Variants in EFCAB8 observed in about 807,000 individuals in gnomAD.
EFCAB8 encodes EF-hand calcium binding domain 8.
A neutral mutation model predicts 116.3 loss-of-function variants in EFCAB8; 100 were observed. That is an observed-to-expected ratio of 0.86 (90% CI 0.73 to 1.02). EFCAB8 has a LOEUF of 1.02. EFCAB8 is among the 50% of genes least tolerant of loss of function. The pLI is 0.00. For synonymous variants in EFCAB8, 558 were observed against 567.9 expected (o/e 0.98, Z 0.25); for missense variants, 1,320 against 1,416.9 (o/e 0.93, Z 1.10).
chr20:32,921,275 C>T (rs1987437706), intron 20 of EFCAB8, among the ~76,000 whole-genome samples: 1 of 151,968 alleles, frequency 6.6e-6, no homozygotes, highest in Non-Finnish European at 1.5e-5. Flanking sequence ...CTCATTACAG[C>T]CTCAACTCCT....
At chr20:32,882,443 A>G (rs1047468028) in intron 5 of EFCAB8, among the ~76,000 whole-genome samples, 4 of 152,226 alleles carry the variant, frequency 2.6e-5, no homozygotes, top group African/African-American at 9.6e-5. Flanking sequence ...AGAGGCTCAT[A>G]GCCTGTGAGT....
At chr20:32,941,938 T>C (rs1039125602) in intron 22 of EFCAB8, among the ~76,000 whole-genome samples, 1 of 152,234 alleles carries the variant, frequency 6.6e-6, no homozygotes, top group African/African-American at 2.4e-5. Context: ...TTTTTGTTGT[T>C]GTTTATAGTT....
intron 20 of EFCAB8, among the ~76,000 whole-genome samples, chr20:32,920,478 A>C (rs1236421337): frequency 6.6e-6 from 1 of 152,152 alleles, no homozygotes; most frequent in African/African-American, 2.4e-5. Context: ...GTTTAACTGG[A>C]CTTATAGTTC....
intron 20 of EFCAB8, among the ~76,000 whole-genome samples, chr20:32,923,149 A>G (rs1987529244): frequency 6.6e-6 from 1 of 152,140 alleles, no homozygotes; most frequent in Admixed American, 6.6e-5. Context: ...GTGCCACTGC[A>G]CTCCAGCCTG....
At chr20:32,887,196 C>T (rs1985676064) in intron 6 of EFCAB8, among the ~76,000 whole-genome samples, 2 of 152,316 alleles carry the variant, frequency 1.3e-5, no homozygotes, top group South Asian at 4.1e-4. Flanking sequence ...AATTGGTTTA[C>T]GCTCCTCCCT....
In EFCAB8 at chr20:32,911,739, C is replaced by T. The variant is rs115006345; in HGVS notation, c.1785+32C>T. 810 of 1,546,198 alleles carry T rather than the reference C, an allele frequency of 5.2e-4. 5 individuals carry two copies. In the African/African-American group the frequency reaches 9.6e-3, roughly 18 times the overall value. On this transcript the variant is annotated intron_variant, in intron 16 of 26. Coordinates refer to ENST00000400522, the MANE Select transcript of EFCAB8 (RefSeq NM_001143967.2). The stretch of plus-strand genomic sequence containing the variant: ...CTTGCTTGTCAATTACAGCCAGGGA[C>T]GGCCTCTTGGGAAGCAAAGCACAGC...
At chr20:32,922,773 C>T (rs1987511370) in intron 20 of EFCAB8, among the ~76,000 whole-genome samples, 1 of 152,124 alleles carries the variant, frequency 6.6e-6, no homozygotes, top group Admixed American at 6.6e-5. Context: ...TGCAAGGGCC[C>T]ACATGGGAGA....
chr20:32,898,100 G>C (rs1986250143), intron 10 of EFCAB8, among the ~76,000 whole-genome samples: 1 of 152,160 alleles, frequency 6.6e-6, no homozygotes, highest in Admixed American at 6.5e-5. Context: ...AAACATGGAG[G>C]GTGGCAGTGG....
chr20:32,956,420 A>G (rs1171170744), intron 23 of EFCAB8, among the ~76,000 whole-genome samples: 1 of 152,070 alleles, frequency 6.6e-6, no homozygotes, highest in African/African-American at 2.4e-5. Context: ...CCTATTTCTT[A>G]TAGTGTTATC....
chr20:32,938,204 CA>C (rs1422153778), intron 22 of EFCAB8, among the ~76,000 whole-genome samples: 1 of 149,630 alleles, frequency 6.7e-6, no homozygotes, highest in African/African-American at 2.5e-5. Context: ...GAATAAAAAA[CA>C]AAAGCCATAT....
intron 23 of EFCAB8, among the ~76,000 whole-genome samples, chr20:32,952,178 T>C (rs1988818039): frequency 6.6e-6 from 1 of 152,062 alleles, no homozygotes; most frequent in Non-Finnish European, 1.5e-5. Flanking sequence ...GGCAGGAGGA[T>C]TGCTTGAGCC....
chr20:32,899,700 G>A (rs868373902), intron 11 of EFCAB8, among the ~76,000 whole-genome samples: 1 of 151,356 alleles, frequency 6.6e-6, no homozygotes, highest in Non-Finnish European at 1.5e-5. Context: ...TCAGCCTCCC[G>A]AGTACCTGGG....
intron 12 of EFCAB8, 45 bp downstream of exon 12, chr20:32,906,674 G>T: frequency 1.4e-6 from 1 of 717,598 alleles, no homozygotes; most frequent in Non-Finnish European, 2.6e-6. Flanking sequence ...GGGGAGGGCT[G>T]CTGGGGATGG....
At chr20:32,867,071 C>G (rs1301531032) in intron 2 of EFCAB8, among the ~76,000 whole-genome samples, 1 of 152,150 alleles carries the variant, frequency 6.6e-6, no homozygotes, top group Non-Finnish European at 1.5e-5. Flanking sequence ...GCACATGCCA[C>G]CACACCCAGC....
Position 32,892,285 on chromosome 20 carries a change from T to C in EFCAB8, c.746T>C (p.Val249Ala), listed in dbSNP as rs1381613791. 15 of 1,551,482 alleles carry C rather than the reference T, an allele frequency of 9.7e-6. No individual in the cohort carries two copies. The highest frequency in any genetic ancestry group is 1.3e-5 in the Non-Finnish European group (15 of 1,146,980). ...TFVDLDSCAL[V>A]MDYWSDYHRG... ...GTTGATCTGGACAGCTGTGCTCTGG[T>C]CATGGACTACTGGTGAGTCTCCACT... is the stretch of plus-strand genomic sequence containing the variant. Residue 249 changes from valine (V) to alanine (A), a missense_variant, in exon 8 of 27, where the codon GTC (valine) becomes GCC (alanine). Transcript: ENST00000400522.
intron 22 of EFCAB8, among the ~76,000 whole-genome samples, chr20:32,937,814 T>C (rs1206538680): frequency 1.3e-5 from 2 of 149,396 alleles, no homozygotes; most frequent in Non-Finnish European, 3.0e-5. Context: ...AGACAGGGTT[T>C]CACCACATTG....
intron 20 of EFCAB8, among the ~76,000 whole-genome samples, chr20:32,923,350 G>A (rs1600431485): frequency 1.3e-5 from 2 of 152,156 alleles, no homozygotes; most frequent in African/African-American, 4.8e-5. Flanking sequence ...GCCAGGGGTG[G>A]CAGCATACTC....
chr20:32,953,861 A>G (rs147066536), intron 23 of EFCAB8, among the ~76,000 whole-genome samples: 461 of 152,218 alleles, frequency 3.0e-3, no homozygotes, highest in Non-Finnish European at 5.3e-3. Flanking sequence ...CCCAGGCTGG[A>G]GTGCAATGGT....
At chr20:32,939,123 TTCTCTTTCTTTCTTTCTTTC>T (rs1988255141) in intron 22 of EFCAB8, among the ~76,000 whole-genome samples, 1 of 112,748 alleles carries the variant, frequency 8.9e-6, no homozygotes, top group Non-Finnish European at 1.9e-5. Context: ...CTCTCTTTCT[TTCTCTTTCTTTCTTTCTTTC>T]TTTCTTTCTT....
Sources: allele counts gnomAD v4.1 joint callset (sites outside exome capture counted in the v4.1 genomes callset), GRCh38; gene constraint gnomAD v4.1.1; transcripts MANE v1.5; gene names NCBI Gene and HGNC (gene_info 2026-07-23, HGNC 2026-07-21).